Variants in MPP7 observed in about 807,000 individuals in gnomAD.
The protein encoded by MPP7 is MAGUK p55 subfamily member 7.
In MPP7, 60 loss-of-function variants were observed where a neutral mutation model predicts 76.5. The ratio of observed to expected loss-of-function variants is 0.78; its 90% CI spans 0.64 to 0.97. The LOEUF (loss-of-function observed/expected upper bound fraction) is 0.97. MPP7 is among the 50% of genes least tolerant of loss of function. The probability of loss-of-function intolerance (pLI) is 0.00; values close to 1 mark genes in which losing one functional copy is unlikely to be tolerated. For synonymous variants in MPP7, 237 were observed against 244.5 expected (o/e 0.97, Z 0.29); for missense variants, 641 against 694.0 (o/e 0.92, Z 0.86).
intron 2 of MPP7, among the ~76,000 whole-genome samples, chr10:28,319,836 T>A (rs1834349959): frequency 6.6e-6 from 1 of 151,780 alleles, no homozygotes; most frequent in Admixed American, 6.6e-5. Context: ...ATTAGCCGGG[T>A]GTGGTGATGC....
At chr10:28,223,771 T>C (rs1487152757) in intron 2 of MPP7, among the ~76,000 whole-genome samples, 1 of 151,928 alleles carries the variant, frequency 6.6e-6, no homozygotes, top group African/African-American at 2.4e-5. Flanking sequence ...AAAGTAAATA[T>C]AAGGCTATTC....
At chr10:28,062,303 G>A (rs1277562012) in intron 13 of MPP7, among the ~76,000 whole-genome samples, 1 of 152,010 alleles carries the variant, frequency 6.6e-6, no homozygotes, top group Non-Finnish European at 1.5e-5. Flanking sequence ...CTGCAAGCAG[G>A]TCATGAATGG....
At chr10:28,309,134 C>T (rs1000634058) in intron 2 of MPP7, among the ~76,000 whole-genome samples, 3 of 152,146 alleles carry the variant, frequency 2.0e-5, no homozygotes, top group Non-Finnish European at 4.4e-5. Context: ...CTGAATCTGT[C>T]ACACCAGAAC....
chr10:28,243,100 A>G (rs1420985310), intron 1 of MPP7, among the ~76,000 whole-genome samples: 5 of 152,142 alleles, frequency 3.3e-5, no homozygotes, highest in African/African-American at 4.8e-5. Flanking sequence ...AACTTAAAAG[A>G]ACAACTGAAG....
intron 12 of MPP7, among the ~76,000 whole-genome samples, chr10:28,071,568 TTAATTGCTAATA>T (rs1366890458): frequency 6.6e-6 from 1 of 152,210 alleles, no homozygotes; most frequent in African/African-American, 2.4e-5. Context: ...TGAAATGGAA[TTAATTGCTAATA>T]TAACTTATCG....
intron 2 of MPP7, among the ~76,000 whole-genome samples, chr10:28,226,745 AC>A (rs1838704711): frequency 6.6e-6 from 1 of 152,238 alleles, no homozygotes; most frequent in Non-Finnish European, 1.5e-5. Flanking sequence ...TGAAAAATAA[AC>A]TACAAAGACA....
In MPP7 at chr10:28,223,700, G is replaced by C. The variant is rs59631489; in HGVS notation, c.37+14868C>G. On this transcript the variant is annotated intron_variant, in intron 2 of 16. Transcript: ENST00000683449. ...AATCAAAAATAGTAATGCAAACATA[G>C]AGGCTCCCAATCTTCTGAGTATTTC... Among the ~76,000 whole-genome samples the C allele has an allele frequency of 4.4e-3, 675 of 152,128 alleles. 7 individuals are homozygous for C. Among genetic ancestry groups the C allele is most frequent in the African/African-American group, 0.015 (636 of 41,490 alleles).
At chr10:28,083,429 G>A (rs569014773) in intron 12 of MPP7, among the ~76,000 whole-genome samples, 3 of 151,752 alleles carry the variant, frequency 2.0e-5, no homozygotes, top group Admixed American at 6.6e-5. Flanking sequence ...GCCTCCAGCT[G>A]TACAGGCATT....
intron 1 of MPP7, among the ~76,000 whole-genome samples, chr10:28,290,757 G>A (rs149363923): frequency 0.011 from 1,638 of 152,264 alleles, 21 homozygotes; most frequent in African/African-American, 0.038. Context: ...ACAGGCATGA[G>A]CCACCACGCC....
intron 3 of MPP7, among the ~76,000 whole-genome samples, chr10:28,169,656 T>C (rs1019134841): frequency 5.9e-5 from 9 of 152,356 alleles, no homozygotes; most frequent in African/African-American, 2.2e-4. Context: ...GAACATTTTT[T>C]GTTAAATTTT....
intron 11 of MPP7, among the ~76,000 whole-genome samples, chr10:28,099,810 A>C (rs571689876): frequency 6.6e-4 from 95 of 143,520 alleles, no homozygotes; most frequent in African/African-American, 2.1e-3. Context: ...TCCATCTCCC[A>C]AAAAAAAAAA....
chr10:28,055,679 C>T (rs1370455112), intron 16 of MPP7, among the ~76,000 whole-genome samples: 1 of 152,034 alleles, frequency 6.6e-6, no homozygotes, highest in African/African-American at 2.4e-5. Context: ...TTTTGCTGTG[C>T]TAAATATAAT....
chr10:28,093,444 T>C (rs577489327), intron 11 of MPP7, among the ~76,000 whole-genome samples: 1 of 114,434 alleles, frequency 8.7e-6, no homozygotes, highest in Non-Finnish European at 2.0e-5. Flanking sequence ...TTTACTTTCC[T>C]TTTTTTTTTT....
chr10:28,325,839 G>A (rs1021000267), intron 2 of MPP7, among the ~76,000 whole-genome samples: 3 of 152,028 alleles, frequency 2.0e-5, no homozygotes, highest in South Asian at 4.1e-4. Context: ...GCCCAGGTAT[G>A]GTGGTGAACA....
At chr10:28,188,424 G>A (rs936384462) in intron 3 of MPP7, among the ~76,000 whole-genome samples, 1 of 152,076 alleles carries the variant, frequency 6.6e-6, no homozygotes, top group Non-Finnish European at 1.5e-5. Flanking sequence ...CAATTAAGAG[G>A]TTATCATGGC....
chr10:28,320,617 G>C (rs986050029), intron 2 of MPP7, among the ~76,000 whole-genome samples: 7 of 151,804 alleles, frequency 4.6e-5, no homozygotes, highest in Non-Finnish European at 1.0e-4. Context: ...GTGGAAGGGG[G>C]GTCAACTTGA....
intron 3 of MPP7, among the ~76,000 whole-genome samples, chr10:28,201,281 A>T (rs902158346): frequency 1.4e-4 from 21 of 152,276 alleles, no homozygotes; most frequent in Admixed American, 1.2e-3. Context: ...GCAACTCAGA[A>T]ATTGCTCATT....
intron 13 of MPP7, among the ~76,000 whole-genome samples, chr10:28,067,579 A>G (rs1425776042): frequency 6.6e-6 from 1 of 152,214 alleles, no homozygotes; most frequent in Non-Finnish European, 1.5e-5. Context: ...ATTTCTTTGG[A>G]GAGTCCCAGT....
At chr10:28,226,711 A>G (rs2134091280) in intron 2 of MPP7, among the ~76,000 whole-genome samples, 1 of 152,342 alleles carries the variant, frequency 6.6e-6, no homozygotes, top group South Asian at 2.1e-4. Flanking sequence ...CACATATTTT[A>G]TCTCAATAAG....
Sources: allele counts gnomAD v4.1 joint callset (sites outside exome capture counted in the v4.1 genomes callset), GRCh38; gene constraint gnomAD v4.1.1; transcripts MANE v1.5; gene names NCBI Gene and HGNC (gene_info 2026-07-23, HGNC 2026-07-21).